The following SLC10A7 variants were observed in gnomAD, a reference collection of about 807,000 sequenced individuals.
SLC10A7 encodes the protein sodium/bile acid cotransporter 7.
SLC10A7 carries 29 observed loss-of-function variants against 43.2 expected under a neutral mutation model. That is an observed-to-expected ratio of 0.67 (90% CI 0.50 to 0.92). SLC10A7 has a LOEUF of 0.92. Among genes scored for constraint, SLC10A7 ranks in the 40% least tolerant of loss-of-function variants. The probability of loss-of-function intolerance (pLI) is 0.00; values close to 1 mark genes in which losing one functional copy is unlikely to be tolerated. For synonymous variants in SLC10A7, 152 were observed against 144.8 expected (o/e 1.05, Z -0.35); for missense variants, 295 against 403.2 (o/e 0.73, Z 2.30).
chr4:146,451,036 C>T (rs915231968), intron 4 of SLC10A7, among the ~76,000 whole-genome samples: 1 of 150,800 alleles, frequency 6.6e-6, no homozygotes, highest in Non-Finnish European at 1.5e-5. Context: ...AAAAACCAGA[C>T]AGATTAAAGA....
At chr4:146,371,215 T>C (rs956214646) in intron 5 of SLC10A7, among the ~76,000 whole-genome samples, 1 of 152,192 alleles carries the variant, frequency 6.6e-6, no homozygotes, top group Non-Finnish European at 1.5e-5. Flanking sequence ...TCAAATCTGC[T>C]TTCACCAGAT....
At chr4:146,520,262 T>C (rs556393329) in intron 1 of SLC10A7, among the ~76,000 whole-genome samples, 1 of 57,146 alleles carries the variant, frequency 1.7e-5, no homozygotes, top group East Asian at 1.8e-3. Flanking sequence ...TTCATTTAGC[T>C]CCGGGGATAG....
intron 4 of SLC10A7, among the ~76,000 whole-genome samples, chr4:146,482,601 G>A (rs1432004308): frequency 1.3e-5 from 2 of 148,816 alleles, no homozygotes; most frequent in East Asian, 2.0e-4. Flanking sequence ...AAAGGCAAAA[G>A]AGTGAAGAAA....
At chr4:146,299,638 G>A (rs1325349681) in intron 7 of SLC10A7, among the ~76,000 whole-genome samples, 3 of 152,182 alleles carry the variant, frequency 2.0e-5, no homozygotes, top group African/African-American at 7.2e-5. Flanking sequence ...TCAGTGAGAC[G>A]TGAGTGCAAT....
chr4:146,445,050 C>G (rs183051152), intron 4 of SLC10A7, among the ~76,000 whole-genome samples: 22 of 152,206 alleles, frequency 1.4e-4, no homozygotes, highest in Middle Eastern at 3.4e-3. Flanking sequence ...CTTGGCATGA[C>G]GTCCAGGGCC....
chr4:146,386,761 T>C (rs1359416521), intron 5 of SLC10A7, among the ~76,000 whole-genome samples: 3 of 152,234 alleles, frequency 2.0e-5, no homozygotes, highest in East Asian at 3.8e-4. Flanking sequence ...CTTCTAAATA[T>C]TCCTTCAGTT....
rs193264805 is a variant in SLC10A7 at position 146,411,036 on chromosome 4, A to G, written c.435+31747T>C. ...TTTTTAGTAAAGATGGGGTTTCACC[A>G]TTTTGGCCAGGCTGGTTTCGAACTC... On this transcript the variant is annotated intron_variant, in intron 5 of 11. Transcript: ENST00000335472. Among the ~76,000 whole-genome samples, 81 of 152,098 alleles carry G rather than the reference A, an allele frequency of 5.3e-4. 1 individual carries two copies. The highest frequency in any genetic ancestry group is 1.9e-3 in the African/African-American group (77 of 41,496).
At chr4:146,358,836 C>T (rs767638004) in intron 5 of SLC10A7, among the ~76,000 whole-genome samples, 3 of 151,896 alleles carry the variant, frequency 2.0e-5, no homozygotes, top group Non-Finnish European at 4.4e-5. Flanking sequence ...TAAAAACATT[C>T]CTGAAGATGT....
chr4:146,294,033 G>T lies in SLC10A7; in HGVS notation c.618C>A (p.Ser206Arg), dbSNP rs1326828360. 2 of 1,610,798 alleles carry T rather than the reference G, an allele frequency of 1.2e-6. No homozygotes were observed. Among genetic ancestry groups the T allele is most frequent in the Non-Finnish European group, 1.7e-6 (2 of 1,178,134 alleles). The change falls in exon 8 of 12, where the codon AGC becomes AGA. Residue 206 changes from serine (S) to arginine (R), a missense_variant. By Grantham distance (110) the Ser-to-Arg change is moderately radical. Around this residue, in one of 2 missense-constraint regions of SLC10A7, gnomAD observed 242 missense variants for 362.5 expected, o/e 0.67. Transcript: ENST00000335472. ...ERKKPPFGAI[S>R]SSVLLMIIYT... ...AGATGATCATGAGGAGTACACTGCT[G>T]CTGATAGCACCAAAAGGAGGCTTCT...
At chr4:146,311,054 T>C (rs1477465651) in intron 6 of SLC10A7, among the ~76,000 whole-genome samples, 1 of 152,032 alleles carries the variant, frequency 6.6e-6, no homozygotes, top group Non-Finnish European at 1.5e-5. Context: ...CCAAGGATGG[T>C]ACATAACTAG....
At chr4:146,516,470 GTA>G (rs1323913756) in intron 2 of SLC10A7, among the ~76,000 whole-genome samples, 2 of 142,510 alleles carry the variant, frequency 1.4e-5, no homozygotes, top group African/African-American at 5.2e-5. Context: ...ATGTGTATAT[GTA>G]TATGTGTATA....
chr4:146,256,746 A>G (rs1279971623), intron 11 of SLC10A7: 4 of 1,191,044 alleles, frequency 3.4e-6, no homozygotes, highest in East Asian at 5.1e-5. Flanking sequence ...GGCTACTCGT[A>G]TGGTTCCCCT....
chr4:146,449,515 G>A (rs757402595), intron 4 of SLC10A7, among the ~76,000 whole-genome samples: 4 of 152,128 alleles, frequency 2.6e-5, no homozygotes, highest in South Asian at 2.1e-4. Flanking sequence ...AAGAGATAGC[G>A]TGTAGACCCC....
intron 2 of SLC10A7, chr4:146,515,155 A>C (rs1304123163): frequency 2.8e-6 from 2 of 702,472 alleles, no homozygotes; most frequent in Non-Finnish European, 5.2e-6. Flanking sequence ...TAAGAAGCTA[A>C]GGAGTGAGAG....
At chr4:146,376,321 G>A (rs2149785842) in intron 5 of SLC10A7, among the ~76,000 whole-genome samples, 1 of 152,290 alleles carries the variant, frequency 6.6e-6, no homozygotes, top group Admixed American at 6.5e-5. Context: ...CTGGGTAGAA[G>A]AGGGTGGTTC....
chr4:146,421,520 C>T (rs766831976), intron 5 of SLC10A7, among the ~76,000 whole-genome samples: 1 of 152,256 alleles, frequency 6.6e-6, no homozygotes, highest in South Asian at 2.1e-4. Flanking sequence ...TCAGCAATGC[C>T]TCACATGGTA....
At chr4:146,414,837 G>A (rs1358786965) in intron 5 of SLC10A7, among the ~76,000 whole-genome samples, 1 of 151,992 alleles carries the variant, frequency 6.6e-6, no homozygotes, top group Non-Finnish European at 1.5e-5. Flanking sequence ...GTGGAAGCTG[G>A]GCAAAACAAA....
chr4:146,474,784 T>A (rs1361959648), intron 4 of SLC10A7, among the ~76,000 whole-genome samples: 1 of 152,102 alleles, frequency 6.6e-6, no homozygotes, highest in Non-Finnish European at 1.5e-5. Context: ...TGAGAGTAAA[T>A]ACAAATAGAA....
At position 146,322,080 on chromosome 4, in the gene SLC10A7, T is replaced by C. The variant is rs374523555; in HGVS notation, c.471+3881A>G. ...TTATTGTAGCTCTATAATTTTAGAA[T>C]GTTGAACATTACAACTAAAGTTCAT... On this transcript the variant is annotated intron_variant, in intron 6 of 11. Coordinates refer to ENST00000335472, the MANE Select transcript of SLC10A7 (RefSeq NM_001029998.6). 5.3e-5 allele frequency among the ~76,000 whole-genome samples: 8 copies of C among 152,232 alleles called. No individual in the cohort carries two copies. In the East Asian group the frequency reaches 1.4e-3, roughly 26 times the overall value.
Sources: allele counts gnomAD v4.1 joint callset (sites outside exome capture counted in the v4.1 genomes callset), GRCh38; gene constraint gnomAD v4.1.1; regional missense constraint gnomAD v4.1.1; transcripts MANE v1.5; gene names NCBI Gene and HGNC (gene_info 2026-07-23, HGNC 2026-07-21).